The following AGBL3 variants were observed in gnomAD, a reference collection of about 807,000 sequenced individuals.
The protein encoded by AGBL3 is cytosolic carboxypeptidase 3.
A neutral mutation model predicts 94.5 loss-of-function variants in AGBL3; 68 were observed. The ratio of observed to expected loss-of-function variants is 0.72; its 90% CI spans 0.59 to 0.88. The LOEUF (loss-of-function observed/expected upper bound fraction) is 0.88. AGBL3 is among the 40% of genes least tolerant of loss of function. The pLI is 0.00. For synonymous variants in AGBL3, 354 were observed against 370.7 expected (o/e 0.95, Z 0.52); for missense variants, 934 against 1,103.8 (o/e 0.85, Z 2.18).
At chr7:135,009,243 GA>G (rs2133450770) in intron 4 of AGBL3, among the ~76,000 whole-genome samples, 1 of 152,268 alleles carries the variant, frequency 6.6e-6, no homozygotes, top group South Asian at 2.1e-4. Flanking sequence ...ATCAATGGAT[GA>G]ATGGAAAAAC....
Position 134,989,244 on chromosome 7 carries a change from T to C in AGBL3, c.64-6T>C. ...AAAGAGAAATATTTTTAAATTCTTA[T>C]TTTAGGATGAGGATATGTTCATGAA... On this transcript the variant is annotated splice_polypyrimidine_tract_variant and splice_region_variant and intron_variant, in intron 2 of 16. Coordinates refer to ENST00000436302, the MANE Select transcript of AGBL3 (RefSeq NM_178563.4). 1 of 1,535,508 alleles carries C rather than the reference T, an allele frequency of 6.5e-7. No individual in the cohort carries two copies. Among genetic ancestry groups the C allele is most frequent in the Non-Finnish European group, 8.8e-7 (1 of 1,138,614 alleles).
At chr7:135,072,421 C>T (rs1820009405) in intron 12 of AGBL3, among the ~76,000 whole-genome samples, 2 of 152,074 alleles carry the variant, frequency 1.3e-5, no homozygotes, top group Non-Finnish European at 2.9e-5. Context: ...TGGGTATATA[C>T]CCAGAGGATT....
intron 15 of AGBL3, among the ~76,000 whole-genome samples, chr7:135,103,880 A>T (rs1824238900): frequency 6.6e-6 from 1 of 150,606 alleles, no homozygotes; most frequent in Admixed American, 6.6e-5. Flanking sequence ...CAACTGCTTT[A>T]TTTTTTTTTA....
At chr7:134,997,649 T>C (rs1009465975) in intron 4 of AGBL3, among the ~76,000 whole-genome samples, 6 of 152,148 alleles carry the variant, frequency 3.9e-5, no homozygotes, top group Non-Finnish European at 7.4e-5. Flanking sequence ...ATAAATCAAT[T>C]GTTAGCATAA....
chr7:134,987,715 T>A (rs187338848), intron 1 of AGBL3, among the ~76,000 whole-genome samples, 160 bp from the exon 2 acceptor site: 1 of 152,342 alleles, frequency 6.6e-6, no homozygotes, highest in Non-Finnish European at 1.5e-5. Context: ...GAAAATTCCT[T>A]TAACTCTTTG....
At chr7:135,132,732 C>T (rs919074204) in intron 16 of AGBL3, among the ~76,000 whole-genome samples, 6 of 152,174 alleles carry the variant, frequency 3.9e-5, no homozygotes, top group African/African-American at 9.7e-5. Context: ...AGCTGTCTTG[C>T]GTGCCACCAT....
At chr7:135,100,426 C>T (rs1326328157) in intron 15 of AGBL3, among the ~76,000 whole-genome samples, 1 of 152,140 alleles carries the variant, frequency 6.6e-6, no homozygotes, top group African/African-American at 2.4e-5. Context: ...CAAGTTTCCC[C>T]TTACTTAGGA....
intron 15 of AGBL3, chr7:135,099,946 G>A (rs1211453660): frequency 1.5e-5 from 2 of 133,978 alleles, no homozygotes; most frequent in Non-Finnish European, 3.1e-5. Context: ...GGAGTGCAGT[G>A]GCATGATCTC....
intron 15 of AGBL3, among the ~76,000 whole-genome samples, chr7:135,107,221 A>C (rs531930825): frequency 6.6e-6 from 1 of 151,740 alleles, no homozygotes; most frequent in African/African-American, 2.4e-5. Context: ...CCTCCACTTC[A>C]GCTCTGACTT....
chr7:135,001,671 C>A (rs775503997), intron 4 of AGBL3, among the ~76,000 whole-genome samples: 34 of 152,148 alleles, frequency 2.2e-4, no homozygotes, highest in Non-Finnish European at 7.4e-5. Flanking sequence ...CCTATTCTTT[C>A]ATGACTCATG....
intron 13 of AGBL3, among the ~76,000 whole-genome samples, chr7:135,079,412 T>C (rs1373616378): frequency 1.3e-5 from 2 of 152,072 alleles, no homozygotes; most frequent in South Asian, 4.1e-4. Context: ...TATGAAGAGG[T>C]GGGTTTGAGC....
rs1326260749 is a variant in AGBL3 at position 134,993,537 on chromosome 7, C to G, written c.169C>G (p.Leu57Val). The G allele has an allele frequency of 1.4e-5, 22 of 1,551,624 alleles. No individual in the cohort carries two copies. Among genetic ancestry groups the G allele is most frequent in the Non-Finnish European group, 1.8e-5 (21 of 1,146,942 alleles). Residue 57 changes from leucine (L) to valine (V), a missense_variant, in exon 4 of 17, where the codon CTA becomes GTA. This residue lies in a region of AGBL3 where 488 missense variants were observed against 563.6 expected (regional missense o/e 0.87). Coordinates refer to ENST00000436302, the MANE Select transcript of AGBL3 (RefSeq NM_178563.4). ...CTTCTTCCCCCGGACTACACAGATACTATTAGAATATCAGCTAGGGAGATG... is the reference window on the plus strand; with the variant it reads ...CTTCTTCCCCCGGACTACACAGATAGTATTAGAATATCAGCTAGGGAGATG... ...DPFFPRTTQI[L>V]LEYQLGRWVP...
chr7:135,096,592 G>GATAGATAC (rs1554516659), intron 15 of AGBL3, among the ~76,000 whole-genome samples: 7 of 143,364 alleles, frequency 4.9e-5, no homozygotes, highest in Non-Finnish European at 7.6e-5. Context: ...TACATAGATA[G>GATAGATAC]ATAGATAGAT....
chr7:135,090,055 G>A (rs535114789), intron 15 of AGBL3, among the ~76,000 whole-genome samples: 2 of 152,326 alleles, frequency 1.3e-5, no homozygotes, highest in South Asian at 2.1e-4. Context: ...ACTCTGGGGA[G>A]GAAGGAGCGC....
intron 15 of AGBL3, among the ~76,000 whole-genome samples, chr7:135,100,407 C>T (rs1316909670): frequency 6.6e-6 from 1 of 152,156 alleles, no homozygotes; most frequent in Non-Finnish European, 1.5e-5. Context: ...ATATCTCTAT[C>T]ACCCTTGGCA....
chr7:135,044,296 T>A, intron 9 of AGBL3, 145 bp downstream of exon 9: 4 of 847,844 alleles, frequency 4.7e-6, no homozygotes, highest in Admixed American at 4.2e-5. Context: ...ACAGGATGAA[T>A]AAACTCTCAA....
At chr7:135,000,200 A>G (rs1202241656) in intron 4 of AGBL3, among the ~76,000 whole-genome samples, 4 of 152,198 alleles carry the variant, frequency 2.6e-5, no homozygotes, top group South Asian at 2.1e-4. Context: ...TCACGGTTAT[A>G]TGTCCTTCAG....
intron 4 of AGBL3, among the ~76,000 whole-genome samples, chr7:135,002,466 G>C (rs1322873140): frequency 6.6e-6 from 1 of 152,060 alleles, no homozygotes; most frequent in Non-Finnish European, 1.5e-5. Flanking sequence ...TGCCCACGTG[G>C]CTGGCTTTAG....
At chr7:135,077,247 G>A (rs941855795) in intron 13 of AGBL3, among the ~76,000 whole-genome samples, 10 of 152,170 alleles carry the variant, frequency 6.6e-5, no homozygotes, top group Admixed American at 5.9e-4. Flanking sequence ...CCCAGTCCCC[G>A]TACATGAGAC....
Sources: allele counts gnomAD v4.1 joint callset (sites outside exome capture counted in the v4.1 genomes callset), GRCh38; gene constraint gnomAD v4.1.1; regional missense constraint gnomAD v4.1.1; transcripts MANE v1.5; gene names NCBI Gene and HGNC (gene_info 2026-07-23, HGNC 2026-07-21).